The following MAN1A1 variants were observed in gnomAD, a reference collection of about 807,000 sequenced individuals.
The protein encoded by MAN1A1 is mannosyl-oligosaccharide 1,2-alpha-mannosidase IA.
Under a neutral mutation model 70.8 loss-of-function variants are expected in MAN1A1, and 29 were observed. The ratio of observed to expected loss-of-function variants is 0.41; its 90% CI spans 0.31 to 0.56. The LOEUF is 0.56. MAN1A1 is among the 20% of genes least tolerant of loss of function. The pLI is 0.29. For missense variants in MAN1A1, 747 were observed against 841.3 expected (o/e 0.89, Z 1.39); for synonymous variants, 349 against 330.1 (o/e 1.06, Z -0.62).
intron 5 of MAN1A1, chr6:119,269,537 A>G (rs1001541640): frequency 4.6e-5 from 9 of 195,234 alleles, no homozygotes; most frequent in Middle Eastern, 2.1e-3. Flanking sequence ...GTGTTCATCT[A>G]CTTGTGAAGG....
chr6:119,333,677 T>C (rs1387151518), intron 2 of MAN1A1, among the ~76,000 whole-genome samples: 3 of 152,228 alleles, frequency 2.0e-5, no homozygotes, highest in Non-Finnish European at 4.4e-5. Flanking sequence ...CAGTCAAAAG[T>C]GGAGAATTTC....
intron 5 of MAN1A1, among the ~76,000 whole-genome samples, chr6:119,254,839 C>A (rs1006744565): frequency 3.3e-5 from 5 of 152,136 alleles, no homozygotes; most frequent in Non-Finnish European, 5.9e-5. Flanking sequence ...TGCAACAGTT[C>A]TTTCGAGCAT....
chr6:119,312,010 T>C (rs1338211304), intron 2 of MAN1A1, among the ~76,000 whole-genome samples: 1 of 152,142 alleles, frequency 6.6e-6, no homozygotes, highest in Non-Finnish European at 1.5e-5. Flanking sequence ...GGAAATAACC[T>C]AGAGACCAAC....
intron 2 of MAN1A1, among the ~76,000 whole-genome samples, chr6:119,323,417 C>T (rs1266389150): frequency 1.3e-5 from 2 of 152,052 alleles, no homozygotes; most frequent in African/African-American, 4.8e-5. Flanking sequence ...ATCACAATCT[C>T]ATATTTTTTT....
upstream of MAN1A1, chr6:119,350,506 G>C (rs6924723): frequency 0.11 from 103,349 of 983,580 alleles, 6,225 homozygotes; most frequent in East Asian, 0.32. Flanking sequence ...CCGCCCACCC[G>C]TACTTTCACT....
rs773373950 is a variant in MAN1A1, at chr6:119,197,790, GTTTTGTT to G, written c.1210+3457_1210+3463del. ...GAGAGAGCTAAGACTCATCAATCCTGTTTTGTTTTTTGTTTTTTTTTTCCATCAGGAA... is the reference window on the plus strand; with the variant it reads ...GAGAGAGCTAAGACTCATCAATCCTGTTTTGTTTTTTTTTTCCATCAGGAA... On this transcript the variant is annotated intron_variant, in intron 8 of 12. Coordinates refer to ENST00000368468, the MANE Select transcript of MAN1A1 (RefSeq NM_005907.4). Among the ~76,000 whole-genome samples the G allele has an allele frequency of 4.1e-4, 62 of 151,278 alleles. 1 individual carries two copies. Among genetic ancestry groups the G allele is most frequent in the Non-Finnish European group, 8.1e-4 (55 of 67,634 alleles).
At position 119,179,747 on chromosome 6, in the gene MAN1A1, T is replaced by C. The variant is rs527463408; in HGVS notation, c.*72A>G. The C allele has an allele frequency of 1.4e-4, 192 of 1,412,702 alleles. 1 individual carries two copies. In the South Asian group the frequency reaches 2.2e-3, roughly 16 times the overall value. The allele number at this position is 1,412,702 out of a possible 1,614,324, so 87.5% of individuals were successfully genotyped here. A position where few individuals can be genotyped will look rare whatever the true frequency, so the allele number is the denominator to read the frequency against. On this transcript the variant is annotated 3_prime_UTR_variant, in exon 13 of 13. Coordinates refer to ENST00000368468, the MANE Select transcript of MAN1A1 (RefSeq NM_005907.4). ...TACTAATCAAAGTTCATCATGTGCC[T>C]GATTACCAGAAAAGGAATTATTAAG...
intron 2 of MAN1A1, among the ~76,000 whole-genome samples, chr6:119,324,635 A>G (rs530592547): frequency 1.7e-4 from 26 of 152,182 alleles, no homozygotes; most frequent in Non-Finnish European, 1.8e-4. Flanking sequence ...TTTTCCTGTG[A>G]TATCTCTTTT....
At chr6:119,207,371 C>A (rs999603431) in intron 6 of MAN1A1, among the ~76,000 whole-genome samples, 5 of 152,092 alleles carry the variant, frequency 3.3e-5, no homozygotes, top group African/African-American at 1.2e-4. Context: ...TCTTTGGTTA[C>A]CATTCATTCA....
At chr6:119,289,723 AGG>A (rs1347551835) in intron 5 of MAN1A1, among the ~76,000 whole-genome samples, 1 of 152,012 alleles carries the variant, frequency 6.6e-6, no homozygotes, top group Non-Finnish European at 1.5e-5. Context: ...AAGATTGTGA[AGG>A]TTGTATGTTT....
Position 119,333,323 on chromosome 6 carries a change from T to C in MAN1A1, c.603+15140A>G, listed in dbSNP as rs573764124. On this transcript the variant is annotated intron_variant, in intron 2 of 12. Transcript: ENST00000368468. ...AAAAGGTGATCCTTCTGAACACCAGTGGTAATGTATGGAATTCACCTCTCA... is the reference window on the plus strand; with the variant it reads ...AAAAGGTGATCCTTCTGAACACCAGCGGTAATGTATGGAATTCACCTCTCA... Among the ~76,000 whole-genome samples the C allele has an allele frequency of 9.2e-5, 14 of 152,262 alleles. No individual in the cohort carries two copies. In the East Asian group the frequency reaches 2.7e-3, roughly 29 times the overall value.
At chr6:119,220,804 T>G (rs1374191443) in intron 6 of MAN1A1, among the ~76,000 whole-genome samples, 2 of 152,162 alleles carry the variant, frequency 1.3e-5, no homozygotes, top group African/African-American at 4.8e-5. Flanking sequence ...AGCAGTTAAA[T>G]TAGCCAATTT....
chr6:119,304,134 G>T (rs1021517030), intron 3 of MAN1A1, among the ~76,000 whole-genome samples: 1 of 152,152 alleles, frequency 6.6e-6, no homozygotes, highest in Non-Finnish European at 1.5e-5. Context: ...GCCAAGTTAA[G>T]AAGTTATCAT....
intron 11 of MAN1A1, 92 bp from the exon 12 acceptor site, chr6:119,180,519 A>ATTTTTTTT (rs68020138): frequency 3.0e-5 from 17 of 571,286 alleles, no homozygotes; most frequent in Non-Finnish European, 4.2e-5. Flanking sequence ...CAGATAAAAC[A>ATTTTTTTT]TTTTTTTTTT....
chr6:119,225,655 C>G (rs1307632458), intron 6 of MAN1A1, among the ~76,000 whole-genome samples: 1 of 152,226 alleles, frequency 6.6e-6, no homozygotes, highest in East Asian at 1.9e-4. Context: ...ATAAATAACA[C>G]ATTACATACA....
chr6:119,332,981 C>T (rs192686581), intron 2 of MAN1A1, among the ~76,000 whole-genome samples: 14 of 152,120 alleles, frequency 9.2e-5, no homozygotes, highest in Admixed American at 2.6e-4. Context: ...AGACAGGGCA[C>T]TCCAGAGTAA....
At chr6:119,341,056 T>G (rs897131242) in intron 2 of MAN1A1, among the ~76,000 whole-genome samples, 1 of 152,234 alleles carries the variant, frequency 6.6e-6, no homozygotes, top group Non-Finnish European at 1.5e-5. Flanking sequence ...TCTGCAGGAC[T>G]GCTCAGCTCT....
upstream of MAN1A1, among the ~76,000 whole-genome samples, chr6:119,349,931 G>T (rs970459771): frequency 1.3e-5 from 2 of 152,074 alleles, no homozygotes; most frequent in Non-Finnish European, 2.9e-5. Context: ...GCCTCGGCGG[G>T]GCCCGGCCGG....
intron 10 of MAN1A1, among the ~76,000 whole-genome samples, 193 bp from the exon 11 acceptor site, chr6:119,188,770 C>T (rs1174354766): frequency 6.6e-6 from 1 of 152,174 alleles, no homozygotes; most frequent in Non-Finnish European, 1.5e-5. Flanking sequence ...CGCATACAAC[C>T]TGGGTACATC....
Sources: gnomAD v4.1 joint callset for allele counts (sites outside exome capture counted in the v4.1 genomes callset) on GRCh38, gnomAD v4.1.1 for gene constraint, MANE v1.5 for transcripts, NCBI Gene and HGNC (gene_info 2026-07-23, HGNC 2026-07-21) for gene names.